The following FHIP2A variants were observed in gnomAD, a reference collection of about 807,000 sequenced individuals.
The protein encoded by FHIP2A is family with sequence similarity 160 member B1.
A neutral mutation model predicts 93.5 loss-of-function variants in FHIP2A; 46 were observed. That is an observed-to-expected ratio of 0.49 (90% CI 0.39 to 0.63). The LOEUF (loss-of-function observed/expected upper bound fraction) is 0.63. Among genes scored for constraint, FHIP2A ranks in the 20% least tolerant of loss-of-function variants. The pLI is 0.00. For missense variants in FHIP2A, 769 were observed against 909.7 expected (o/e 0.85, Z 1.99); for synonymous variants, 332 against 326.5 (o/e 1.02, Z -0.18).
intron 5 of FHIP2A, among the ~76,000 whole-genome samples, chr10:114,839,858 G>T (rs113596911): frequency 6.9e-6 from 1 of 145,904 alleles, no homozygotes; most frequent in South Asian, 2.2e-4. Context: ...CTTCAGCCTG[G>T]GCGACAGAGC....
downstream of FHIP2A, among the ~76,000 whole-genome samples, chr10:114,865,100 G>T (rs2083822163): frequency 6.6e-6 from 1 of 151,902 alleles, no homozygotes; most frequent in Non-Finnish European, 1.5e-5. Flanking sequence ...TGATTCTCCT[G>T]CCCCAGCCTC....
chr10:114,822,140 C>T lies in FHIP2A; in HGVS notation c.45+17C>T. 7.7e-7 allele frequency: 1 copy of T among 1,302,528 alleles called. No homozygotes were observed. The highest frequency in any genetic ancestry group is 1.0e-6 in the Non-Finnish European group (1 of 1,003,502). 80.7% of individuals were successfully genotyped at this position (1,302,528 alleles called of 1,614,324 possible). A position where few individuals can be genotyped will look rare whatever the true frequency, so the allele number is the denominator to read the frequency against. ...GTGGAGGCGGTAAGGCCGCGGGCTG[C>T]GGGCGCACGGCAGGCCGGGGATGGC... On this transcript the variant is annotated intron_variant, in intron 1 of 16. Coordinates refer to ENST00000369248, the MANE Select transcript of FHIP2A (RefSeq NM_020940.4).
At chr10:114,887,409 T>C (rs980245584) in intron 16 of FHIP2A, among the ~76,000 whole-genome samples, 4 of 152,260 alleles carry the variant, frequency 2.6e-5, no homozygotes, top group Non-Finnish European at 5.9e-5. Context: ...AACCATTTCA[T>C]GTATATTCAA....
intron 3 of FHIP2A, among the ~76,000 whole-genome samples, chr10:114,835,231 G>A (rs2083630385): frequency 6.6e-6 from 1 of 152,134 alleles, no homozygotes; most frequent in South Asian, 2.1e-4. Context: ...ATATAAACAG[G>A]TTGACATTGA....
chr10:114,879,876 C>T (rs1323109126), intron 16 of FHIP2A, among the ~76,000 whole-genome samples: 1 of 152,202 alleles, frequency 6.6e-6, no homozygotes, highest in African/African-American at 2.4e-5. Context: ...CCCAGGCTGA[C>T]TTGAGCTCCG....
chr10:114,853,882 C>T (rs1244361725), intron 13 of FHIP2A, among the ~76,000 whole-genome samples: 1 of 151,952 alleles, frequency 6.6e-6, no homozygotes, highest in Non-Finnish European at 1.5e-5. Context: ...GCCACTGCAC[C>T]CGACCATTTT....
In FHIP2A at chr10:114,861,325, A is replaced by C. The variant is rs2083797784; in HGVS notation, c.2183A>C (p.Glu728Ala). 1.2e-6 allele frequency: 2 copies of C among 1,614,086 alleles called. No individual in the cohort carries two copies. Among genetic ancestry groups the C allele is most frequent in the Non-Finnish European group, 1.7e-6 (2 of 1,180,036 alleles). Residue 728 changes from glutamate (E) to alanine (A), a missense_variant, in exon 16 of 17, where the codon GAA (glutamate) becomes GCA (alanine). By Grantham distance (107) the Glu-to-Ala change is moderately radical. Coordinates refer to ENST00000369248, the MANE Select transcript of FHIP2A (RefSeq NM_020940.4). ...AAGCGGTTACTTGGTTTGGAACCTG[A>C]AGGCCCTATGTAAGTTAGTGTTTTA... ...VRKRLLGLEP[E>A]GPIIDHITLL... is the part of the protein sequence containing the mutation.
rs570799551 is a variant in FHIP2A, at chr10:114,879,277, C to T, written c.2192+17943C>T. 2.0e-5 allele frequency among the ~76,000 whole-genome samples: 3 copies of T among 152,288 alleles called. No homozygotes were observed. In the East Asian group the frequency reaches 5.8e-4, roughly 29 times the overall value. On this transcript the variant is annotated intron_variant, in intron 16 of 16. Transcript: ENST00000369250. ...AGACTCTCAGAAAATTGGGCATCAT[C>T]TTACAGTGTCTCAAAACAAACAAAC...
chr10:114,837,536 T>C (rs1566367973), intron 5 of FHIP2A, among the ~76,000 whole-genome samples: 2 of 152,130 alleles, frequency 1.3e-5, no homozygotes, highest in Non-Finnish European at 1.5e-5. Flanking sequence ...AATACATAAA[T>C]AAATTTTTCT....
intron 12 of FHIP2A, among the ~76,000 whole-genome samples, chr10:114,847,747 C>G (rs1047703676): frequency 7.1e-6 from 1 of 141,230 alleles, no homozygotes; most frequent in Admixed American, 7.4e-5. Flanking sequence ...TTCCCTCCCC[C>G]ACCTTTTTTT....
chr10:114,881,372 C>T (rs1289617523), intron 16 of FHIP2A, among the ~76,000 whole-genome samples: 10 of 152,132 alleles, frequency 6.6e-5, no homozygotes, highest in Non-Finnish European at 1.3e-4. Flanking sequence ...TTATCACTTT[C>T]CTGGGGGCTG....
chr10:114,823,505 T>C (rs2083553988), intron 1 of FHIP2A, among the ~76,000 whole-genome samples: 1 of 151,796 alleles, frequency 6.6e-6, no homozygotes, highest in Non-Finnish European at 1.5e-5. Flanking sequence ...TTTATTTATT[T>C]ATTTTTTGAG....
At chr10:114,871,871 C>T (rs972277025) in intron 16 of FHIP2A, among the ~76,000 whole-genome samples, 2 of 152,072 alleles carry the variant, frequency 1.3e-5, no homozygotes, top group South Asian at 2.1e-4. Flanking sequence ...TACATTACCC[C>T]GGGAAGTTCT....
At chr10:114,876,299 C>T (rs576185301) in intron 16 of FHIP2A, among the ~76,000 whole-genome samples, 1 of 152,316 alleles carries the variant, frequency 6.6e-6, no homozygotes, top group South Asian at 2.1e-4. Context: ...GGTCCTGCTC[C>T]GACCTTTGGC....
In FHIP2A at chr10:114,843,117, C is replaced by T. The variant is rs748687843; in HGVS notation, c.707C>T (p.Ser236Phe). The change falls in exon 6 of 17, where the codon TCC becomes TTC. Residue 236 changes from serine (S) to phenylalanine (F), a missense_variant. By Grantham distance (155) the Ser-to-Phe change is radical (BLOSUM62 -2). Coordinates refer to ENST00000369248, the MANE Select transcript of FHIP2A (RefSeq NM_020940.4). Reference protein sequence around the residue: ...DEPPHQMDHLSTSLDNLSVTS... With the variant: ...DEPPHQMDHLFTSLDNLSVTS... ...CCTCCTCATCAGATGGATCACCTGT[C>T]CACAAGCTTGGATAACCTCAGTGTC... 1 of 1,614,048 alleles carries T rather than the reference C, an allele frequency of 6.2e-7. No homozygotes were observed. The highest frequency in any genetic ancestry group is 8.5e-7 in the Non-Finnish European group (1 of 1,179,968).
intron 16 of FHIP2A, among the ~76,000 whole-genome samples, chr10:114,892,677 A>G (rs889814832): frequency 1.3e-5 from 2 of 152,102 alleles, no homozygotes; most frequent in Non-Finnish European, 2.9e-5. Context: ...TTTAAATAAT[A>G]TAAGAATACT....
In FHIP2A at chr10:114,878,775, CAAAAAAAAAAA is replaced by C. The variant is rs71007499; in HGVS notation, c.2192+17450_2192+17460del. Reference sequence around the variant, plus strand: ...AGCCTGGGTGACAGAGACTTCGCCTCAAAAAAAAAAAAAAAAAAAGAAAGAAAGAAAGAAAG... The same window carrying C: ...AGCCTGGGTGACAGAGACTTCGCCTCAAAAAAAAGAAAGAAAGAAAGAAAG... On this transcript the variant is annotated intron_variant, in intron 16 of 16. Coordinates refer to the FHIP2A transcript ENST00000369250. Among the ~76,000 whole-genome samples, 20 of 101,214 alleles carry C rather than the reference CAAAAAAAAAAA, an allele frequency of 2.0e-4. No individual in the cohort carries two copies. The East Asian group carries it at 2.8e-3, about 14-fold the overall frequency. 66.4% of individuals were successfully genotyped at this position (101,214 alleles called of 152,430 possible).
intron 16 of FHIP2A, among the ~76,000 whole-genome samples, chr10:114,885,975 G>A (rs2083940919): frequency 6.6e-6 from 1 of 152,332 alleles, no homozygotes; most frequent in African/African-American, 2.4e-5. Context: ...CATGGACATG[G>A]TTCCCTTAAA....
At position 114,862,759 on chromosome 10, in the gene FHIP2A, T is replaced by A. The variant is rs1592026827; in HGVS notation, c.*1219T>A. 5 of 985,472 alleles carry A rather than the reference T, an allele frequency of 5.1e-6. No homozygotes were observed. In the African/African-American group the frequency reaches 7.0e-5, roughly 14 times the overall value. The allele number at this position is 985,472 out of a possible 1,614,324, so 61.0% of individuals were successfully genotyped here. A position where few individuals can be genotyped will look rare whatever the true frequency, so the allele number is the denominator to read the frequency against. ...GTGATGCTGATCACTCAAATAATGC[T>A]TTTAAGCTATTGTTTGTTTTTATTT... On this transcript the variant is annotated 3_prime_UTR_variant, in exon 17 of 17. Transcript: ENST00000369248.
Sources: allele counts gnomAD v4.1 joint callset (sites outside exome capture counted in the v4.1 genomes callset), GRCh38; gene constraint gnomAD v4.1.1; transcripts MANE v1.5; gene names NCBI Gene and HGNC (gene_info 2026-07-23, HGNC 2026-07-21).